AGO3: variants seen among roughly 807,000 people sequenced by gnomAD.
The protein encoded by AGO3 is protein argonaute-3.
Under a neutral mutation model 105.5 loss-of-function variants are expected in AGO3, and 16 were observed. The observed-to-expected ratio is 0.15, with a 90% CI of 0.10 to 0.23. AGO3 has a LOEUF of 0.23. AGO3 is among the 10% of genes least tolerant of loss of function. The pLI, the probability that AGO3 is intolerant of heterozygous loss-of-function variation, is 1.00. For missense variants in AGO3, 534 were observed against 1,088.0 expected (o/e 0.49, Z 7.16); for synonymous variants, 340 against 367.3 (o/e 0.93, Z 0.85).
At chr1:35,978,304 C>T (rs1646989184) in intron 5 of AGO3, among the ~76,000 whole-genome samples, 1 of 152,134 alleles carries the variant, frequency 6.6e-6, no homozygotes, top group Non-Finnish European at 1.5e-5. Flanking sequence ...ATTGTCCTGC[C>T]TCAGCCTCCC....
rs368941960 is a variant in AGO3, at chr1:36,039,218, G to A, written c.1843-572G>A. 1.2e-4 allele frequency among the ~76,000 whole-genome samples: 18 copies of A among 152,242 alleles called. No individual in the cohort carries two copies. The East Asian group carries it at 1.5e-3, about 13-fold the overall frequency. ...ATTTTTTAAAAAGATGGGGTAGGCTGGGTGCGGTGGCTCATGCCTGTAATC... is the reference window on the plus strand; with the variant it reads ...ATTTTTTAAAAAGATGGGGTAGGCTAGGTGCGGTGGCTCATGCCTGTAATC... On this transcript the variant is annotated intron_variant, in intron 14 of 18. Transcript: ENST00000373191.
chr1:36,041,864 A>C (rs1557707876), intron 16 of AGO3, among the ~76,000 whole-genome samples: 1 of 152,186 alleles, frequency 6.6e-6, no homozygotes, highest in Non-Finnish European at 1.5e-5. Flanking sequence ...TGCACTTAGA[A>C]CAGGGCTTGG....
rs529893386 is a variant in AGO3, at chr1:36,027,778, CA to C, written c.1591+495del. ...TGGGCGACAGAGCGAAAGTCCGTCTCAAAAAAAAAAAAAAAGGGTTTCAGTA... is the reference window on the plus strand; with the variant it reads ...TGGGCGACAGAGCGAAAGTCCGTCTCAAAAAAAAAAAAAAGGGTTTCAGTA... On this transcript the variant is annotated intron_variant, in intron 12 of 18. Coordinates refer to ENST00000373191, the MANE Select transcript of AGO3 (RefSeq NM_024852.4). The surrounding 1 kb of genome is among the most constrained non-coding windows in gnomAD (Gnocchi z 4.0). 4.8e-3 allele frequency among the ~76,000 whole-genome samples: 321 copies of C among 66,582 alleles called. No individual in the cohort carries two copies. Among genetic ancestry groups the C allele is most frequent in the Admixed American group, 5.8e-3 (33 of 5,678 alleles). 43.7% of individuals were successfully genotyped at this position (66,582 alleles called of 152,430 possible). A position where few individuals can be genotyped will look rare whatever the true frequency, so the allele number is the denominator to read the frequency against.
intron 1 of AGO3, among the ~76,000 whole-genome samples, chr1:35,939,272 A>T (rs755070861): frequency 1.4e-4 from 21 of 152,058 alleles, no homozygotes; most frequent in Non-Finnish European, 2.6e-4. Flanking sequence ...ACTAAACTTG[A>T]TTAGTATCTA....
chr1:36,001,902 G>A (rs551942245), intron 5 of AGO3, among the ~76,000 whole-genome samples: 183 of 152,026 alleles, frequency 1.2e-3, no homozygotes, highest in Non-Finnish European at 2.4e-3. Context: ...GAGTTTTTAT[G>A]ATGAAACTTT....
At chr1:36,043,632 A>G in intron 17 of AGO3, 84 bp downstream of exon 17, 1 of 1,141,778 alleles carries the variant, frequency 8.8e-7, no homozygotes, top group Non-Finnish European at 1.3e-6. Context: ...AAAAGGATAA[A>G]GAAATACTCT....
chr1:36,021,456 T>C (rs923463360), intron 11 of AGO3, among the ~76,000 whole-genome samples: 8 of 152,142 alleles, frequency 5.3e-5, no homozygotes, highest in Admixed American at 2.6e-4. Flanking sequence ...CATAATCTTA[T>C]ACAATTTTGG....
At position 35,931,221 on chromosome 1, in the gene AGO3, T is replaced by C; in HGVS notation, c.-206T>C. The C allele has an allele frequency of 2.4e-6, 1 of 413,626 alleles. No individual in the cohort carries two copies. The highest frequency in any genetic ancestry group is 4.3e-6 in the Non-Finnish European group (1 of 232,542). 25.6% of individuals were successfully genotyped at this position (413,626 alleles called of 1,614,324 possible). On this transcript the variant is annotated 5_prime_UTR_variant, in exon 1 of 19. Transcript: ENST00000373191. Reference sequence around the variant, plus strand: ...CCGCGCCTCACATCTCCCCTTCCTCTCGCCTAGTCCTGTGCCGTTTTCCGT... The same window carrying C: ...CCGCGCCTCACATCTCCCCTTCCTCCCGCCTAGTCCTGTGCCGTTTTCCGT...
intron 5 of AGO3, among the ~76,000 whole-genome samples, chr1:36,003,709 A>AAAAAAAAAAAAAATATAT (rs1295618675): frequency 1.0e-5 from 1 of 99,436 alleles, no homozygotes; most frequent in South Asian, 3.8e-4. Flanking sequence ...AAAAAAAAAA[A>AAAAAAAAAAAAAATATAT]ATATATATAT....
intron 11 of AGO3, among the ~76,000 whole-genome samples, chr1:36,024,426 C>T (rs1286019429): frequency 6.6e-6 from 1 of 152,012 alleles, no homozygotes; most frequent in African/African-American, 2.4e-5. Context: ...TGTGAGCCAC[C>T]GCACTCTGCC....
At chr1:36,012,683 A>T (rs1640677710) in intron 9 of AGO3, among the ~76,000 whole-genome samples, 1 of 152,158 alleles carries the variant, frequency 6.6e-6, no homozygotes, top group African/African-American at 2.4e-5. Flanking sequence ...ATGTATCCAG[A>T]TCTCCCATAG....
chr1:36,055,874 G>C lies in AGO3; in HGVS notation c.*129G>C, dbSNP rs934475238. ...GAAACCAACACTGTGTGGGGGCCAA[G>C]GTCTGATCCTTATGTTAATACAAGG... On this transcript the variant is annotated 3_prime_UTR_variant, in exon 19 of 19. Coordinates refer to ENST00000373191, the MANE Select transcript of AGO3 (RefSeq NM_024852.4). The surrounding 1 kb of genome is among the most constrained non-coding windows in gnomAD (Gnocchi z 4.4). 1 of 747,612 alleles carries C rather than the reference G, an allele frequency of 1.3e-6. No individual in the cohort carries two copies. The highest frequency in any genetic ancestry group is 2.2e-6 in the Non-Finnish European group (1 of 459,250). The allele number at this position is 747,612 out of a possible 1,614,324, so 46.3% of individuals were successfully genotyped here. A position where few individuals can be genotyped will look rare whatever the true frequency, so the allele number is the denominator to read the frequency against.
rs960300028 is a variant in AGO3, at chr1:35,971,135, A to G, written c.313-889A>G. Among the ~76,000 whole-genome samples, 8 of 146,704 alleles carry G rather than the reference A, an allele frequency of 5.5e-5. No homozygotes were observed. The South Asian group carries it at 1.1e-3, about 19-fold the overall frequency. On this transcript the variant is annotated intron_variant, in intron 3 of 18. Coordinates refer to ENST00000373191, the MANE Select transcript of AGO3 (RefSeq NM_024852.4). ...TATAAATTTATATTATAAATTATAA[A>G]TTTATAAATATATAATATATATTTA...
chr1:35,961,262 T>C (rs1023875022), intron 2 of AGO3, among the ~76,000 whole-genome samples: 3 of 152,248 alleles, frequency 2.0e-5, no homozygotes, highest in Middle Eastern at 6.8e-3. Flanking sequence ...TTGTTTGGTA[T>C]TTTTTAAATT....
At chr1:36,022,733 A>G (rs1429325630) in intron 11 of AGO3, among the ~76,000 whole-genome samples, 1 of 152,016 alleles carries the variant, frequency 6.6e-6, no homozygotes, top group Non-Finnish European at 1.5e-5. Flanking sequence ...GGAGTTCGAG[A>G]CCAGCCTGGC....
At chr1:35,961,160 C>T (rs1437313184) in intron 2 of AGO3, among the ~76,000 whole-genome samples, 2 of 151,456 alleles carry the variant, frequency 1.3e-5, no homozygotes, top group African/African-American at 4.9e-5. Flanking sequence ...ACCGTGTTAG[C>T]CAGGATGGTC....
At chr1:35,962,700 G>A (rs1330765408) in intron 2 of AGO3, among the ~76,000 whole-genome samples, 6 of 152,130 alleles carry the variant, frequency 3.9e-5, no homozygotes, top group Middle Eastern at 3.4e-3. Context: ...AGTATAAGCC[G>A]TTTAGTAGGT....
chr1:36,011,847 T>A (rs895163392), intron 9 of AGO3, among the ~76,000 whole-genome samples: 3 of 152,210 alleles, frequency 2.0e-5, no homozygotes, highest in Non-Finnish European at 4.4e-5. Context: ...AAAATACAGA[T>A]TATAAAAGAA....
At chr1:36,043,899 T>A (rs954525232) in intron 17 of AGO3, among the ~76,000 whole-genome samples, 3 of 152,088 alleles carry the variant, frequency 2.0e-5, no homozygotes, top group Admixed American at 6.6e-5. Context: ...GAAAGCACTA[T>A]TTTGCTCAGG....
Sources: allele counts gnomAD v4.1 joint callset (sites outside exome capture counted in the v4.1 genomes callset), GRCh38; gene constraint gnomAD v4.1.1; non-coding constraint Gnocchi (gnomAD v3.1); transcripts MANE v1.5; gene names NCBI Gene and HGNC (gene_info 2026-07-23, HGNC 2026-07-21).